The following CERS3 variants were observed in gnomAD, a reference collection of about 807,000 sequenced individuals.
CERS3 encodes LAG1 homolog, ceramide synthase 3.
A neutral mutation model predicts 50.3 loss-of-function variants in CERS3; 33 were observed. The observed-to-expected ratio is 0.66, with a 90% CI of 0.50 to 0.88. CERS3 has a LOEUF of 0.88. CERS3 is among the 40% of genes least tolerant of loss of function. CERS3 has a pLI of 0.00. For synonymous variants in CERS3, 176 were observed against 155.2 expected, an observed-to-expected ratio of 1.13 and a Z score of -0.99; for missense variants, 470 against 460.3, an observed-to-expected ratio of 1.02 and a Z score of -0.19.
rs2034357040 is a variant in CERS3 at position 100,455,970 on chromosome 15, G to A, written c.922C>T (p.Leu308Phe). The change falls in exon 11 of 12, where the codon CTC (leucine) becomes TTC (phenylalanine). Residue 308 changes from leucine (L) to phenylalanine (F), a missense_variant. Leu to Phe is a conservative substitution (Grantham distance 22). Transcript: ENST00000679737. Reference protein sequence around the residue: ...FFSYIFLNLQLMILQVLHLYW... With the variant: ...FFSYIFLNLQFMILQVLHLYW... ...AGGTGAAGGACCTGCAAGATCATGA[G>A]CTGTAGGTTGAGGAAGATGTATGAA... 1.2e-6 allele frequency: 2 copies of A among 1,612,246 alleles called. No individual in the cohort carries two copies. Among genetic ancestry groups the A allele is most frequent in the South Asian group, 1.1e-5 (1 of 91,024 alleles).
At chr15:100,418,390 A>T (rs1445458354) in intron 11 of CERS3, among the ~76,000 whole-genome samples, 1 of 149,804 alleles carries the variant, frequency 6.7e-6, no homozygotes, top group East Asian at 1.9e-4. Flanking sequence ...AAAAAAGAAT[A>T]AAAAGAAATG....
chr15:100,460,708 GT>G (rs1183176874), intron 10 of CERS3, among the ~76,000 whole-genome samples: 2 of 152,122 alleles, frequency 1.3e-5, no homozygotes, highest in African/African-American at 4.8e-5. Context: ...TCACCTCTGG[GT>G]CCTTCCCTTG....
intron 5 of CERS3, among the ~76,000 whole-genome samples, chr15:100,482,213 A>AT (rs2035325018): frequency 6.6e-6 from 1 of 152,140 alleles, no homozygotes; most frequent in African/African-American, 2.4e-5. Context: ...AACTTCTTTT[A>AT]TTTTTTTCCA....
intron 3 of CERS3, among the ~76,000 whole-genome samples, chr15:100,498,068 G>A (rs2035884738): frequency 6.6e-6 from 1 of 151,678 alleles, no homozygotes; most frequent in Admixed American, 6.6e-5. Flanking sequence ...TAATTTTTTT[G>A]TATTTTTAGT....
At chr15:100,483,385 C>T (rs1462299925) in intron 5 of CERS3, among the ~76,000 whole-genome samples, 1 of 152,144 alleles carries the variant, frequency 6.6e-6, no homozygotes, top group Non-Finnish European at 1.5e-5. Context: ...ATCTAGAACG[C>T]CACAAAATCT....
At chr15:100,458,137 G>A (rs904190551) in intron 10 of CERS3, among the ~76,000 whole-genome samples, 2 of 152,182 alleles carry the variant, frequency 1.3e-5, no homozygotes, top group Non-Finnish European at 2.9e-5. Flanking sequence ...GAGTTTCACT[G>A]AACTCAGAAC....
chr15:100,431,291 A>C (rs558064797), intron 11 of CERS3, among the ~76,000 whole-genome samples: 2 of 152,370 alleles, frequency 1.3e-5, no homozygotes, highest in East Asian at 3.9e-4. Context: ...TAAAATTGCA[A>C]GTATGTCTCA....
chr15:100,410,147 T>C (rs1340341809), intron 11 of CERS3, among the ~76,000 whole-genome samples: 2 of 152,190 alleles, frequency 1.3e-5, no homozygotes, highest in African/African-American at 4.8e-5. Context: ...TGGAAGGGGA[T>C]GGTCATGATT....
chr15:100,516,882 C>T (rs535407748), intron 2 of CERS3, among the ~76,000 whole-genome samples: 1 of 152,356 alleles, frequency 6.6e-6, no homozygotes, highest in South Asian at 2.1e-4. Context: ...GATCTCCCTC[C>T]CAACCTCAGC....
At chr15:100,525,509 CT>C (rs2036760184) in intron 1 of CERS3, among the ~76,000 whole-genome samples, 1 of 152,292 alleles carries the variant, frequency 6.6e-6, no homozygotes, top group Admixed American at 6.5e-5. Context: ...AATTCTCAGC[CT>C]TGAAATTATG....
chr15:100,464,595 G>A (rs904806828), intron 10 of CERS3, among the ~76,000 whole-genome samples: 2 of 152,222 alleles, frequency 1.3e-5, no homozygotes, highest in African/African-American at 4.8e-5. Flanking sequence ...GTCAGAGGAA[G>A]TGGTTTGCCT....
chr15:100,513,205 C>T lies in CERS3; in HGVS notation c.-2+8462G>A, dbSNP rs578190318. 2.6e-5 allele frequency among the ~76,000 whole-genome samples: 4 copies of T among 152,270 alleles called. No individual in the cohort carries two copies. In the South Asian group the frequency reaches 6.2e-4, roughly 24 times the overall value. On this transcript the variant is annotated intron_variant, in intron 2 of 11. Coordinates refer to ENST00000679737, the MANE Select transcript of CERS3 (RefSeq NM_001378789.1). ...TTGCCATCTATCAGCCCCTTCCTAA[C>T]CTAAATCTTGACCCAATGAATTAAT...
chr15:100,521,450 A>C (rs1315137179), intron 2 of CERS3, among the ~76,000 whole-genome samples: 2 of 152,144 alleles, frequency 1.3e-5, no homozygotes, highest in African/African-American at 4.8e-5. Context: ...TGTCACATGA[A>C]GCTTTCTCCT....
chr15:100,476,477 T>A (rs1018805294), intron 7 of CERS3, among the ~76,000 whole-genome samples: 1 of 152,290 alleles, frequency 6.6e-6, no homozygotes, highest in Non-Finnish European at 1.5e-5. Context: ...TTTAAATTTT[T>A]AAAAAAATTA....
chr15:100,415,727 G>A (rs554157037), intron 11 of CERS3, among the ~76,000 whole-genome samples: 1 of 152,146 alleles, frequency 6.6e-6, no homozygotes, highest in African/African-American at 2.4e-5. Context: ...ACTCATAAGT[G>A]AGAGTTGAAC....
intron 11 of CERS3, among the ~76,000 whole-genome samples, chr15:100,406,272 G>GA (rs2031017229): frequency 6.6e-6 from 1 of 151,852 alleles, no homozygotes; most frequent in South Asian, 2.1e-4. Flanking sequence ...GCTTAGAAAA[G>GA]AAAAAAAGAT....
chr15:100,505,995 C>G (rs1320701421), intron 2 of CERS3, among the ~76,000 whole-genome samples: 1 of 152,176 alleles, frequency 6.6e-6, no homozygotes, highest in East Asian at 1.9e-4. Flanking sequence ...GCCTGAGTGA[C>G]AGAATTTGGT....
At chr15:100,501,039 A>T (rs1030604140) in intron 3 of CERS3, among the ~76,000 whole-genome samples, 1 of 152,212 alleles carries the variant, frequency 6.6e-6, no homozygotes, top group African/African-American at 2.4e-5. Context: ...TGTTATCATA[A>T]CACTAGTACA....
chr15:100,443,097 G>C (rs560886013), intron 11 of CERS3, among the ~76,000 whole-genome samples: 437 of 151,436 alleles, frequency 2.9e-3, no homozygotes, highest in Middle Eastern at 0.01. Context: ...ACTATTCCTG[G>C]GCTACAGCCA....
Sources: gnomAD v4.1 joint callset for allele counts (sites outside exome capture counted in the v4.1 genomes callset) on GRCh38, gnomAD v4.1.1 for gene constraint, MANE v1.5 for transcripts, NCBI Gene and HGNC (gene_info 2026-07-23, HGNC 2026-07-21) for gene names.